DNAAF11: variants seen among roughly 807,000 people sequenced by gnomAD.
DNAAF11 encodes the protein dynein axonemal assembly factor 11.
In DNAAF11, 45 loss-of-function variants were observed where a neutral mutation model predicts 60.8. The observed-to-expected ratio is 0.74, with a 90% CI of 0.58 to 0.95. DNAAF11 has a LOEUF of 0.95. Ranked by LOEUF, DNAAF11 falls within the 40% of genes least tolerant of loss-of-function variation. DNAAF11 has a pLI of 0.00. For missense variants in DNAAF11, 546 were observed against 546.2 expected, an observed-to-expected ratio of 1.00 and a Z score of 0.00; for synonymous variants, 191 against 183.5, an observed-to-expected ratio of 1.04 and a Z score of -0.33.
intron 3 of DNAAF11, among the ~76,000 whole-genome samples, chr8:132,639,131 C>T: frequency 6.6e-6 from 1 of 152,190 alleles, no homozygotes; most frequent in South Asian, 2.1e-4. Flanking sequence ...CTCTAATTAC[C>T]ATATGACTTC....
At chr8:132,572,572 C>A in intron 11 of DNAAF11, 92 bp from the exon 12 acceptor site, 1 of 900,164 alleles carries the variant, frequency 1.1e-6, no homozygotes, top group Non-Finnish European at 1.7e-6. Context: ...ATTCAGCAAA[C>A]GTTGGCAAGT....
the DNAAF11 span, among the ~76,000 whole-genome samples, chr8:132,683,665 A>G: frequency 2.6e-5 from 4 of 152,222 alleles, no homozygotes; most frequent in East Asian, 1.9e-4. Flanking sequence ...GTTCTTCTGC[A>G]TAGAGTATCT....
chr8:132,650,868 T>C (rs1476852493), intron 3 of DNAAF11, among the ~76,000 whole-genome samples: 1 of 152,242 alleles, frequency 6.6e-6, no homozygotes, highest in Non-Finnish European at 1.5e-5. Flanking sequence ...CATATATCTT[T>C]GGATGTTGCT....
At chr8:132,695,209 C>A in the DNAAF11 span, among the ~76,000 whole-genome samples, 13 of 152,138 alleles carry the variant, frequency 8.5e-5, no homozygotes, top group African/African-American at 2.9e-4. Context: ...TCAAATCTAC[C>A]AAGGAATTTT....
At chr8:132,690,011 G>C in the DNAAF11 span, among the ~76,000 whole-genome samples, 1 of 152,094 alleles carries the variant, frequency 6.6e-6, no homozygotes, top group Non-Finnish European at 1.5e-5. Context: ...CCACACACTT[G>C]ACTCATATTT....
In DNAAF11 at chr8:132,675,525, C is replaced by G. The variant is rs752981877; in HGVS notation, c.-32G>C. On this transcript the variant is annotated 5_prime_UTR_variant, in exon 1 of 12. Transcript: ENST00000620350. ...TCTCCAGTTCGCTGACCCCGCAAGC[C>G]GGACCCGGACCTCGAATGACGCTTT... 17 of 1,552,486 alleles carry G rather than the reference C, an allele frequency of 1.1e-5. No homozygotes were observed. Among genetic ancestry groups the G allele is most frequent in the Middle Eastern group, 1.7e-4 (1 of 5,836 alleles).
intron 1 of DNAAF11, among the ~76,000 whole-genome samples, chr8:132,668,738 GGC>G (rs1824892514): frequency 6.6e-6 from 1 of 152,108 alleles, no homozygotes; most frequent in Non-Finnish European, 1.5e-5. Context: ...CACCGCGCCC[GGC>G]CCTGAGCTGA....
chr8:132,687,175 A>C, the DNAAF11 span, among the ~76,000 whole-genome samples: 1 of 152,230 alleles, frequency 6.6e-6, no homozygotes, highest in Non-Finnish European at 1.5e-5. Flanking sequence ...AAAGCTAATA[A>C]AAATTACAAA....
At chr8:132,677,647 G>T (rs561444242), upstream of DNAAF11, among the ~76,000 whole-genome samples, 28 of 152,250 alleles carry the variant, frequency 1.8e-4, no homozygotes, top group Middle Eastern at 6.8e-3. Context: ...GGGAGGCTGA[G>T]GTGGGAGTAC....
chr8:132,581,681 A>G (rs199940765), intron 11 of DNAAF11, among the ~76,000 whole-genome samples: 2,161 of 148,022 alleles, frequency 0.015, 59 homozygotes, highest in Admixed American at 0.05. Context: ...AAAAAAAAAA[A>G]AAGAAGAAGA....
intron 4 of DNAAF11, among the ~76,000 whole-genome samples, chr8:132,633,792 C>CTGA (rs1336058764): frequency 1.3e-5 from 2 of 152,074 alleles, no homozygotes; most frequent in African/African-American, 4.8e-5. Context: ...AGTTGGCACA[C>CTGA]TGATGTCTTT....
intron 10 of DNAAF11, among the ~76,000 whole-genome samples, chr8:132,584,019 G>A (rs1815624577): frequency 6.6e-6 from 1 of 152,096 alleles, no homozygotes. Flanking sequence ...GGCCAAGCAG[G>A]AGATATGGTG....
the DNAAF11 span, among the ~76,000 whole-genome samples, chr8:132,698,948 A>G: frequency 4.8e-5 from 3 of 62,108 alleles, no homozygotes; most frequent in African/African-American, 6.4e-4. Context: ...ATATATATAT[A>G]TATATATACA....
intron 3 of DNAAF11, among the ~76,000 whole-genome samples, chr8:132,647,076 T>C (rs180910582): frequency 2.0e-5 from 3 of 152,246 alleles, no homozygotes; most frequent in South Asian, 4.1e-4. Context: ...TATTCCAAAA[T>C]TGACCACATA....
chr8:132,613,647 T>A (rs979983843), intron 8 of DNAAF11, among the ~76,000 whole-genome samples: 1 of 152,314 alleles, frequency 6.6e-6, no homozygotes, highest in Non-Finnish European at 1.5e-5. Flanking sequence ...CATGGTGTTG[T>A]CCATTTTGAA....
At chr8:132,677,388 C>T (rs1404505173), upstream of DNAAF11, among the ~76,000 whole-genome samples, 1 of 151,922 alleles carries the variant, frequency 6.6e-6, no homozygotes, top group East Asian at 1.9e-4. Context: ...TGCCATTGCT[C>T]TCTAGCCTAG....
At chr8:132,625,623 T>A (rs988500967) in intron 5 of DNAAF11, among the ~76,000 whole-genome samples, 169 bp from the exon 6 acceptor site, 5 of 152,192 alleles carry the variant, frequency 3.3e-5, no homozygotes, top group Admixed American at 3.3e-4. Context: ...TGCATGGATA[T>A]GTAGTGAGAT....
rs73356816 is a variant in DNAAF11 at position 132,639,170 on chromosome 8, C to T, written c.257-1063G>A. On this transcript the variant is annotated intron_variant, in intron 3 of 11. Transcript: ENST00000620350. ...GACAATGTACCTATGTGGAAAGAAG[C>T]AAGCACAGCTGTCTCATGAGCAGAA... Among the ~76,000 whole-genome samples the T allele has an allele frequency of 8.4e-3, 1,274 of 152,298 alleles. 19 individuals are homozygous for T. The highest frequency in any genetic ancestry group is 0.029 in the African/African-American group (1,219 of 41,584).
intron 4 of DNAAF11, among the ~76,000 whole-genome samples, chr8:132,636,896 A>G (rs974972271): frequency 6.6e-6 from 1 of 152,222 alleles, no homozygotes; most frequent in Non-Finnish European, 1.5e-5. Flanking sequence ...TCTTGACTGC[A>G]GAGAACACAG....
Sources: gnomAD v4.1 joint callset for allele counts (sites outside exome capture counted in the v4.1 genomes callset) on GRCh38, gnomAD v4.1.1 for gene constraint, MANE v1.5 for transcripts, NCBI Gene and HGNC (gene_info 2026-07-23, HGNC 2026-07-21) for gene names.